FYN: variants seen among roughly 807,000 people sequenced by gnomAD.
The protein encoded by FYN is FYN proto-oncogene, Src family tyrosine kinase.
A neutral mutation model predicts 70.2 loss-of-function variants in FYN; 10 were observed. That is an observed-to-expected ratio of 0.14 (90% CI 0.09 to 0.24). The LOEUF is 0.24. FYN is among the 10% of genes least tolerant of loss of function. FYN has a pLI of 1.00. For synonymous variants in FYN, 236 were observed against 248.6 expected (o/e 0.95, Z 0.48); for missense variants, 319 against 673.1 (o/e 0.47, Z 5.82).
intron 3 of FYN, among the ~76,000 whole-genome samples, chr6:111,756,319 A>G (rs1802732066): frequency 6.6e-6 from 1 of 152,078 alleles, no homozygotes; most frequent in Admixed American, 6.5e-5. Flanking sequence ...AACCTTTAAA[A>G]AACTGATTCA....
In FYN at chr6:111,661,689, G is replaced by A; in HGVS notation, c.*50C>T. The A allele has an allele frequency of 1.1e-5, 17 of 1,536,562 alleles. No individual in the cohort carries two copies. Among genetic ancestry groups the A allele is most frequent in the Non-Finnish European group, 1.4e-5 (16 of 1,122,248 alleles). On this transcript the variant is annotated 3_prime_UTR_variant, in exon 14 of 14. Transcript: ENST00000354650. The surrounding 1 kb of genome is among the most constrained non-coding windows in gnomAD (Gnocchi z 4.0). ...GGCTACGGAATTGAAAGCTAATGGG[G>A]AGGGGTGGGGCAGCCTCTGGGACAA...
At chr6:111,850,269 A>G (rs1352718243) in intron 1 of FYN, among the ~76,000 whole-genome samples, 1 of 152,208 alleles carries the variant, frequency 6.6e-6, no homozygotes, top group Non-Finnish European at 1.5e-5. Context: ...AACAAGGTAT[A>G]ATTTTCCCTT....
chr6:111,803,860 C>CA (rs1269543492), intron 2 of FYN, among the ~76,000 whole-genome samples: 2 of 152,134 alleles, frequency 1.3e-5, no homozygotes, highest in African/African-American at 4.8e-5. Flanking sequence ...CCAAAGCAGC[C>CA]ATGGTATGTT....
At chr6:111,716,064 G>A (rs1228544988) in intron 4 of FYN, among the ~76,000 whole-genome samples, 4 of 152,216 alleles carry the variant, frequency 2.6e-5, no homozygotes, top group African/African-American at 9.6e-5. Context: ...AATTGCATAT[G>A]TCTTAAAAGC....
intron 4 of FYN, among the ~76,000 whole-genome samples, chr6:111,715,525 T>C (rs1800594048): frequency 6.6e-6 from 1 of 152,160 alleles, no homozygotes; most frequent in South Asian, 2.1e-4. Context: ...TGACTAGGCT[T>C]CAAAAGATGG....
intron 4 of FYN, among the ~76,000 whole-genome samples, chr6:111,716,195 T>C (rs1800634604): frequency 6.6e-6 from 1 of 152,200 alleles, no homozygotes; most frequent in Non-Finnish European, 1.5e-5. Context: ...CCTCCCTGTT[T>C]CCACAGCCCA....
chr6:111,678,718 T>C (rs1413394307), intron 12 of FYN, among the ~76,000 whole-genome samples: 1 of 152,206 alleles, frequency 6.6e-6, no homozygotes, highest in Non-Finnish European at 1.5e-5. Flanking sequence ...TTCTCAATCC[T>C]TGGTGACTTT....
intron 2 of FYN, among the ~76,000 whole-genome samples, chr6:111,790,247 T>TACACACACACAC (rs61565042): frequency 1.6e-5 from 2 of 125,874 alleles, no homozygotes; most frequent in South Asian, 3.4e-4. Context: ...GAACCTTAGA[T>TACACACACACAC]ACACACACAC....
At chr6:111,783,078 C>T (rs1771235621) in intron 2 of FYN, among the ~76,000 whole-genome samples, 1 of 152,172 alleles carries the variant, frequency 6.6e-6, no homozygotes, top group African/African-American at 2.4e-5. Context: ...GGACACTGGT[C>T]CCTCCATCTT....
At chr6:111,779,053 C>T (rs1334877795) in intron 3 of FYN, among the ~76,000 whole-genome samples, 2 of 151,880 alleles carry the variant, frequency 1.3e-5, no homozygotes, top group African/African-American at 4.8e-5. Context: ...ACCAAGGTAC[C>T]CTGTGCAACA....
intron 6 of FYN, 36 bp from the exon 7 acceptor site, chr6:111,704,138 A>G (rs374204705): frequency 1.3e-4 from 210 of 1,568,524 alleles, no homozygotes; most frequent in Non-Finnish European, 1.6e-4. Flanking sequence ...ATATTTTGAA[A>G]TAGTCATTTA....
At chr6:111,829,026 C>T (rs963038005) in intron 2 of FYN, among the ~76,000 whole-genome samples, 2 of 152,232 alleles carry the variant, frequency 1.3e-5, no homozygotes, top group South Asian at 4.1e-4. Flanking sequence ...CTCTTCCCAG[C>T]TTATCTGGCC....
At chr6:111,774,565 C>T (rs746200849) in intron 3 of FYN, among the ~76,000 whole-genome samples, 17 of 152,026 alleles carry the variant, frequency 1.1e-4, no homozygotes, top group Non-Finnish European at 1.8e-4. Flanking sequence ...CAAACCCCTC[C>T]CCATCCCCCC....
At chr6:111,790,569 C>T (rs932090788) in intron 2 of FYN, among the ~76,000 whole-genome samples, 2 of 152,196 alleles carry the variant, frequency 1.3e-5, no homozygotes, top group Non-Finnish European at 2.9e-5. Flanking sequence ...ACCAGGGGTT[C>T]CCTACCAAGG....
intron 12 of FYN, among the ~76,000 whole-genome samples, chr6:111,686,426 C>T (rs1457580572): frequency 6.6e-6 from 1 of 152,102 alleles, no homozygotes; most frequent in Non-Finnish European, 1.5e-5. Flanking sequence ...GGGCAAGTCC[C>T]CTGGGGTCTC....
chr6:111,750,992 T>C (rs1451333518), intron 3 of FYN, among the ~76,000 whole-genome samples: 1 of 152,088 alleles, frequency 6.6e-6, no homozygotes, highest in African/African-American at 2.4e-5. Flanking sequence ...ATGGAAAAAA[T>C]GACCCTGCAT....
rs1273956318 is a variant in FYN, at chr6:111,707,940, T to C, written c.425A>G (p.Asp142Gly). Residue 142 changes from aspartate to glycine, a missense_variant, in exon 6 of 14, where the codon GAC (aspartate) becomes GGC (glycine). Coordinates refer to ENST00000354650, the MANE Select transcript of FYN (RefSeq NM_002037.5). ...AACATACTCTTCTGCCTGGATAGAG[T>C]CAACTGGAGCCACATAATTGCTGGG... ...YIPSNYVAPV[D>G]SIQAEEWYFG... 6.2e-7 allele frequency: 1 copy of C among 1,613,632 alleles called. No homozygotes were observed. Among genetic ancestry groups the C allele is most frequent in the Non-Finnish European group, 8.5e-7 (1 of 1,179,588 alleles).
In FYN at chr6:111,828,068, T is replaced by A. The variant is rs754853151; in HGVS notation, c.-82+18521A>T. On this transcript the variant is annotated intron_variant, in intron 2 of 13. Transcript: ENST00000354650. ...AGTAGCGGAGGAACCCTGGTTACAGTTGACTGTGTACCCTGAGAACTTCCT... is the reference window on the plus strand; with the variant it reads ...AGTAGCGGAGGAACCCTGGTTACAGATGACTGTGTACCCTGAGAACTTCCT... Among the ~76,000 whole-genome samples the A allele has an allele frequency of 6.6e-5, 10 of 152,192 alleles. 1 individual carries two copies. The highest frequency in any genetic ancestry group is 1.2e-4 in the Non-Finnish European group (8 of 68,042).
intron 3 of FYN, among the ~76,000 whole-genome samples, chr6:111,772,354 A>C (rs1803484953): frequency 6.6e-6 from 1 of 152,218 alleles, no homozygotes; most frequent in Non-Finnish European, 1.5e-5. Flanking sequence ...CCAAAGTAAT[A>C]ACTGAATCAG....
Sources: allele counts gnomAD v4.1 joint callset (sites outside exome capture counted in the v4.1 genomes callset), GRCh38; gene constraint gnomAD v4.1.1; non-coding constraint Gnocchi (gnomAD v3.1); transcripts MANE v1.5; gene names NCBI Gene and HGNC (gene_info 2026-07-23, HGNC 2026-07-21).